The following BNC2 variants were observed in gnomAD, a reference collection of about 807,000 sequenced individuals.
BNC2 encodes the protein zinc finger protein basonuclin-2.
In BNC2, 20 loss-of-function variants were observed where a neutral mutation model predicts 76.3. The ratio of observed to expected loss-of-function variants is 0.26; its 90% CI spans 0.18 to 0.38. The LOEUF is 0.38. BNC2 is among the 10% of genes least tolerant of loss of function. BNC2 has a pLI of 1.00. For synonymous variants in BNC2, 582 were observed against 514.8 expected, an observed-to-expected ratio of 1.13 and a Z score of -1.77; for missense variants, 1,382 against 1,399.8, an observed-to-expected ratio of 0.99 and a Z score of 0.20.
Position 16,748,794 on chromosome 9 carries a change from G to C in BNC2, c.4-10309C>G, listed in dbSNP as rs1219169195. ...GGAGATGGAGATTGCAGTGAGCCAA[G>C]ATCAGGCCACTGCACTCCAGCCTGG... is the stretch of plus-strand genomic sequence containing the variant. On this transcript the variant is annotated intron_variant, in intron 1 of 6. Transcript: ENST00000380672. 4.6e-5 allele frequency among the ~76,000 whole-genome samples: 6 copies of C among 129,978 alleles called. No homozygotes were observed. In the Admixed American group the frequency reaches 5.4e-4, roughly 12 times the overall value. 85.3% of individuals were successfully genotyped at this position (129,978 alleles called of 152,430 possible). A position where few individuals can be genotyped will look rare whatever the true frequency, so the allele number is the denominator to read the frequency against.
At position 16,632,251 on chromosome 9, in the gene BNC2, T is replaced by C. The variant is rs1425847146; in HGVS notation, c.331-49166A>G. 4.6e-5 allele frequency among the ~76,000 whole-genome samples: 7 copies of C among 152,304 alleles called. No homozygotes were observed. The East Asian group carries it at 5.8e-4, about 13-fold the overall frequency. On this transcript the variant is annotated intron_variant, in intron 3 of 6. Transcript: ENST00000380672. ...ACAAGTATTTACTGAACCCCTTCTA[T>C]GTTTTAGGCACTGAGATCTCAGGAT...
chr9:16,806,565 A>G (rs1817918737), intron 1 of BNC2, among the ~76,000 whole-genome samples: 1 of 152,154 alleles, frequency 6.6e-6, no homozygotes, highest in Non-Finnish European at 1.5e-5. Flanking sequence ...TTTATTTTCT[A>G]ATTACCCAGG....
intron 6 of BNC2, among the ~76,000 whole-genome samples, chr9:16,434,493 T>C (rs562583376): frequency 1.3e-5 from 2 of 152,312 alleles, no homozygotes; most frequent in South Asian, 4.1e-4. Context: ...GAAGACAATG[T>C]AGAACCAAAA....
intron 1 of BNC2, among the ~76,000 whole-genome samples, chr9:16,805,333 G>GTT (rs1554738549): frequency 1.2e-4 from 18 of 151,498 alleles, no homozygotes; most frequent in African/African-American, 2.9e-4. Context: ...TTTTTTTGTT[G>GTT]GTTTTTTTTT....
intron 1 of BNC2, among the ~76,000 whole-genome samples, chr9:16,747,742 A>G (rs561494743): frequency 1.3e-5 from 2 of 152,224 alleles, no homozygotes; most frequent in Non-Finnish European, 2.9e-5. Flanking sequence ...TAAGCAGGAC[A>G]TATCTTTCTT....
intron 3 of BNC2, among the ~76,000 whole-genome samples, chr9:16,642,290 G>A (rs189615230): frequency 1.2e-4 from 18 of 152,146 alleles, no homozygotes; most frequent in African/African-American, 3.1e-4. Context: ...TCTCAATAGC[G>A]TTCTGTTTTA....
At chr9:16,674,086 T>G (rs951496145) in intron 3 of BNC2, among the ~76,000 whole-genome samples, 2 of 152,202 alleles carry the variant, frequency 1.3e-5, no homozygotes, top group African/African-American at 2.4e-5. Flanking sequence ...CTCAAAGCCT[T>G]TTAGATATAT....
At chr9:16,557,869 GT>G (rs1282366450) in intron 4 of BNC2, among the ~76,000 whole-genome samples, 2 of 149,072 alleles carry the variant, frequency 1.3e-5, no homozygotes, top group Non-Finnish European at 3.0e-5. Context: ...TTGTTTGTTT[GT>G]TTTTTTTTGA....
intron 5 of BNC2, among the ~76,000 whole-genome samples, chr9:16,519,950 C>T (rs972401343): frequency 1.3e-5 from 2 of 152,134 alleles, no homozygotes; most frequent in Admixed American, 6.5e-5. Flanking sequence ...GGGACCAGTG[C>T]CATAGTTCCT....
intron 1 of BNC2, 118 bp from the exon 2 acceptor site, chr9:16,738,603 A>G (rs1824750749): frequency 1.7e-6 from 2 of 1,147,660 alleles, no homozygotes; most frequent in East Asian, 2.6e-5. Context: ...AACTAAACAC[A>G]TTTTTTAAGA....
intron 5 of BNC2, among the ~76,000 whole-genome samples, chr9:16,497,352 T>C (rs1174273169): frequency 6.6e-6 from 1 of 152,222 alleles, no homozygotes; most frequent in Non-Finnish European, 1.5e-5. Context: ...ATGATGAAAG[T>C]ATAGCACTGA....
At chr9:16,545,851 G>T (rs955297441) in intron 5 of BNC2, among the ~76,000 whole-genome samples, 2 of 152,138 alleles carry the variant, frequency 1.3e-5, no homozygotes, top group Non-Finnish European at 2.9e-5. Flanking sequence ...TACGATCCGA[G>T]AAAATGGCAG....
Position 16,835,381 on chromosome 9 carries a change from C to T in BNC2, c.3+35265G>A, listed in dbSNP as rs550318015. ...TATCCTTATTTGATAGAGAAGGAAACCTCACTGCATTTGTGGTTATAAAAA... is the reference window on the plus strand; with the variant it reads ...TATCCTTATTTGATAGAGAAGGAAATCTCACTGCATTTGTGGTTATAAAAA... On this transcript the variant is annotated intron_variant, in intron 1 of 6. Coordinates refer to ENST00000380672, the MANE Select transcript of BNC2 (RefSeq NM_017637.6). Among the ~76,000 whole-genome samples the T allele has an allele frequency of 2.0e-4, 31 of 152,250 alleles. 1 individual carries two copies. The highest frequency in any genetic ancestry group is 1.4e-3 in the Admixed American group (22 of 15,276).
intron 3 of BNC2, among the ~76,000 whole-genome samples, chr9:16,631,959 G>A (rs973549263): frequency 6.6e-5 from 10 of 152,182 alleles, no homozygotes; most frequent in Non-Finnish European, 1.3e-4. Flanking sequence ...GCACAAAATC[G>A]GCAAAGAACT....
At chr9:16,835,199 C>G (rs915721465) in intron 1 of BNC2, among the ~76,000 whole-genome samples, 6 of 152,178 alleles carry the variant, frequency 3.9e-5, no homozygotes, top group Non-Finnish European at 8.8e-5. Context: ...CATTATTCGT[C>G]TTTTCTGCAT....
chr9:16,620,226 T>C (rs898232435), intron 3 of BNC2, among the ~76,000 whole-genome samples: 1 of 152,188 alleles, frequency 6.6e-6, no homozygotes. Context: ...CCGAGTTAAA[T>C]AGTGCTGCTT....
At chr9:16,517,064 G>T (rs550093409) in intron 5 of BNC2, among the ~76,000 whole-genome samples, 1 of 152,322 alleles carries the variant, frequency 6.6e-6, no homozygotes, top group African/African-American at 2.4e-5. Flanking sequence ...CTGCTGTGTT[G>T]TTCTAAACTG....
intron 5 of BNC2, among the ~76,000 whole-genome samples, chr9:16,445,904 A>T (rs1379280143): frequency 6.6e-6 from 1 of 152,226 alleles, no homozygotes; most frequent in Non-Finnish European, 1.5e-5. Context: ...AATTTGAAAT[A>T]TCTTTCCTAT....
intron 3 of BNC2, among the ~76,000 whole-genome samples, chr9:16,588,275 T>TTC (rs1819828276): frequency 6.6e-6 from 1 of 152,234 alleles, no homozygotes; most frequent in Admixed American, 6.5e-5. Context: ...AATGATTGTT[T>TTC]TCTCTCTTAT....
Sources: allele counts gnomAD v4.1 joint callset (sites outside exome capture counted in the v4.1 genomes callset), GRCh38; gene constraint gnomAD v4.1.1; transcripts MANE v1.5; gene names NCBI Gene and HGNC (gene_info 2026-07-23, HGNC 2026-07-21).